Variants in VPS13B observed in about 807,000 individuals in gnomAD.
VPS13B encodes the protein vacuolar protein sorting 13 homolog B.
Under a neutral mutation model 426.4 loss-of-function variants are expected in VPS13B, and 285 were observed. That is an observed-to-expected ratio of 0.67 (90% CI 0.61 to 0.74). The LOEUF is 0.74. VPS13B is among the 30% of genes least tolerant of loss of function. The pLI, the probability that VPS13B is intolerant of heterozygous loss-of-function variation, is 0.00. For synonymous variants in VPS13B, 1,676 were observed against 1,676.4 expected (o/e 1.00, Z 0.01); for missense variants, 4,537 against 4,782.6 (o/e 0.95, Z 1.51).
At chr8:99,606,498 C>CAAAAAAAAAAAA in intron 33 of VPS13B, among the ~76,000 whole-genome samples, 1 of 74,336 alleles carries the variant, frequency 1.3e-5, no homozygotes, top group East Asian at 3.0e-4. Flanking sequence ...GACTCAGTTT[C>CAAAAAAAAAAAA]AAAAAAAAAA....
intron 34 of VPS13B, among the ~76,000 whole-genome samples, chr8:99,648,056 G>C (rs1829663790): frequency 6.6e-6 from 1 of 152,118 alleles, no homozygotes; most frequent in African/African-American, 2.4e-5. Flanking sequence ...TATACAATCA[G>C]CTTGACTTAT....
At chr8:99,580,193 C>T (rs1052422420) in intron 33 of VPS13B, among the ~76,000 whole-genome samples, 3 of 151,372 alleles carry the variant, frequency 2.0e-5, no homozygotes, top group African/African-American at 4.8e-5. Flanking sequence ...CTAGAAGGCA[C>T]CCTGTGAATT....
chr8:99,640,040 GAAGAAGAAGAGAAAAGAA>G (rs1280906877), intron 33 of VPS13B, among the ~76,000 whole-genome samples: 2 of 110,948 alleles, frequency 1.8e-5, no homozygotes, highest in African/African-American at 7.5e-5. Context: ...AGAAGAAGAA[GAAGAAGAAGAGAAAAGAA>G]AAGAAAAGAA....
intron 30 of VPS13B, among the ~76,000 whole-genome samples, chr8:99,529,656 AT>A (rs1465133725): frequency 2.0e-5 from 3 of 152,216 alleles, no homozygotes; most frequent in African/African-American, 7.2e-5. Flanking sequence ...CAAATAGGAA[AT>A]TGAAATTATT....
chr8:99,033,028 A>G (rs1051792715), intron 2 of VPS13B, among the ~76,000 whole-genome samples: 11 of 152,142 alleles, frequency 7.2e-5, no homozygotes, highest in African/African-American at 1.2e-4. Context: ...TCAACTATAC[A>G]ATTTTATCAT....
At chr8:99,748,092 A>G (rs143124274) in intron 39 of VPS13B, among the ~76,000 whole-genome samples, 1 of 152,178 alleles carries the variant, frequency 6.6e-6, no homozygotes, top group Non-Finnish European at 1.5e-5. Context: ...CCTGTAATGT[A>G]TCCCCTAAAT....
Position 99,327,131 on chromosome 8 carries a change from AT to A in VPS13B, c.2824+51879del, listed in dbSNP as rs528090357. Among the ~76,000 whole-genome samples the A allele has an allele frequency of 6.2e-3, 942 of 152,262 alleles. 7 individuals are homozygous for A. The highest frequency in any genetic ancestry group is 7.8e-3 in the Non-Finnish European group (531 of 68,016). ...AAAGGTGTACCCCTTGGGTCTTCCAATTCTATGTACATGTAAAATAATTGTG... is the reference window on the plus strand; with the variant it reads ...AAAGGTGTACCCCTTGGGTCTTCCAATCTATGTACATGTAAAATAATTGTG... On this transcript the variant is annotated intron_variant, in intron 19 of 61. Transcript: ENST00000357162.
intron 21 of VPS13B, chr8:99,424,244 T>G (rs1816552153): frequency 6.6e-6 from 1 of 152,186 alleles, no homozygotes; most frequent in African/African-American, 2.4e-5. Flanking sequence ...TGCTTTTTTT[T>G]TTGTTTTCCA....
chr8:99,286,936 A>G (rs925474612), intron 19 of VPS13B, among the ~76,000 whole-genome samples: 1 of 152,128 alleles, frequency 6.6e-6, no homozygotes, highest in Non-Finnish European at 1.5e-5. Context: ...ATTCTGGGAT[A>G]ATTCTGTTGA....
At chr8:99,505,092 C>T (rs998845298) in intron 27 of VPS13B, among the ~76,000 whole-genome samples, 2 of 152,220 alleles carry the variant, frequency 1.3e-5, no homozygotes, top group African/African-American at 4.8e-5. Context: ...AGCTTTCTTA[C>T]TTCTCTCAAT....
intron 3 of VPS13B, among the ~76,000 whole-genome samples, chr8:99,056,170 C>T (rs1229671158): frequency 3.9e-5 from 6 of 152,024 alleles, no homozygotes; most frequent in Non-Finnish European, 8.8e-5. Context: ...GATCCTCCCA[C>T]CCCAGCCTCC....
At chr8:99,252,052 A>T (rs1817533274) in intron 17 of VPS13B, among the ~76,000 whole-genome samples, 1 of 151,474 alleles carries the variant, frequency 6.6e-6, no homozygotes, top group Non-Finnish European at 1.5e-5. Flanking sequence ...TTTATTTTTT[A>T]AATTTAAAAT....
chr8:99,289,211 C>G (rs766585383), intron 19 of VPS13B, among the ~76,000 whole-genome samples: 3 of 152,014 alleles, frequency 2.0e-5, no homozygotes, highest in Non-Finnish European at 4.4e-5. Flanking sequence ...AGTTAATACT[C>G]TAGATAATGA....
chr8:99,313,517 G>A (rs909770222), intron 19 of VPS13B, among the ~76,000 whole-genome samples: 3 of 152,108 alleles, frequency 2.0e-5, no homozygotes, highest in South Asian at 2.1e-4. Flanking sequence ...CTGCCTGATC[G>A]TTCCTCTGGA....
intron 12 of VPS13B, among the ~76,000 whole-genome samples, chr8:99,138,535 T>C (rs1305755324): frequency 1.3e-5 from 2 of 152,250 alleles, no homozygotes; most frequent in Non-Finnish European, 2.9e-5. Flanking sequence ...GGGCCTGACA[T>C]TGGTTTGTTT....
intron 3 of VPS13B, among the ~76,000 whole-genome samples, chr8:99,075,952 G>T (rs1481403789): frequency 6.6e-6 from 1 of 151,926 alleles, no homozygotes; most frequent in East Asian, 1.9e-4. Flanking sequence ...GTCATCATTA[G>T]GTGGTTTTTT....
At chr8:99,735,264 C>T (rs762253788) in intron 39 of VPS13B, among the ~76,000 whole-genome samples, 12 of 152,138 alleles carry the variant, frequency 7.9e-5, no homozygotes, top group Non-Finnish European at 1.8e-4. Context: ...ATGGGTTGAA[C>T]AGTTTCCCCT....
chr8:99,703,398 T>C (rs964234021), intron 36 of VPS13B, among the ~76,000 whole-genome samples: 1 of 152,156 alleles, frequency 6.6e-6, no homozygotes. Context: ...AGAATACTTA[T>C]GTTCTCTCAT....
chr8:99,846,660 T>C (rs1241918036), intron 54 of VPS13B, among the ~76,000 whole-genome samples: 1 of 152,166 alleles, frequency 6.6e-6, no homozygotes, highest in East Asian at 1.9e-4. Context: ...CAAGCAAAAA[T>C]TTCCCTCCAG....
Sources: allele counts gnomAD v4.1 joint callset (sites outside exome capture counted in the v4.1 genomes callset), GRCh38; gene constraint gnomAD v4.1.1; transcripts MANE v1.5; gene names NCBI Gene and HGNC (gene_info 2026-07-23, HGNC 2026-07-21).